The following LRRC7 variants were observed in gnomAD, a reference collection of about 807,000 sequenced individuals.
The protein encoded by LRRC7 is leucine-rich repeat-containing protein 7.
A neutral mutation model predicts 175.7 loss-of-function variants in LRRC7; 23 were observed. The observed-to-expected ratio is 0.13, with a 90% CI of 0.09 to 0.19. The LOEUF (loss-of-function observed/expected upper bound fraction) is 0.19, where lower values mean the gene tolerates loss of function less well. Ranked by LOEUF, LRRC7 falls within the 10% of genes least tolerant of loss-of-function variation. LRRC7 has a pLI of 1.00. For missense variants in LRRC7, 1,354 were observed against 1,904.7 expected, an observed-to-expected ratio of 0.71 and a Z score of 5.38; for synonymous variants, 685 against 680.9, an observed-to-expected ratio of 1.01 and a Z score of -0.09.
intron 22 of LRRC7, 85 bp downstream of exon 22, chr1:70,044,179 C>A: frequency 7.0e-7 from 1 of 1,426,236 alleles, no homozygotes; most frequent in Non-Finnish European, 9.6e-7. Flanking sequence ...GCTATACATA[C>A]AACCCTGCTT....
chr1:70,059,222 T>C (rs1661387151), intron 23 of LRRC7, among the ~76,000 whole-genome samples: 1 of 152,194 alleles, frequency 6.6e-6, no homozygotes, highest in African/African-American at 2.4e-5. Flanking sequence ...CTAGGTTAAG[T>C]GCATAATGAC....
At chr1:69,883,196 TC>T (rs1474037138) in intron 7 of LRRC7, among the ~76,000 whole-genome samples, 1 of 151,508 alleles carries the variant, frequency 6.6e-6, no homozygotes, top group Non-Finnish European at 1.5e-5. Context: ...CACACTGACT[TC>T]CACAATGGTT....
intron 22 of LRRC7, among the ~76,000 whole-genome samples, chr1:70,048,269 CT>C (rs948215676): frequency 6.6e-6 from 1 of 151,990 alleles, no homozygotes; most frequent in African/African-American, 2.4e-5. Flanking sequence ...TACTATGTAC[CT>C]GGTGCTATGA....
chr1:69,730,914 T>C (rs1452082446), intron 2 of LRRC7, among the ~76,000 whole-genome samples: 1 of 152,080 alleles, frequency 6.6e-6, no homozygotes, highest in Non-Finnish European at 1.5e-5. Flanking sequence ...CTCAGAAAAC[T>C]TACAATCATA....
In LRRC7 at chr1:70,000,576, T is replaced by C. The variant is rs1655428142; in HGVS notation, c.1004+5943T>C. Among the ~76,000 whole-genome samples the C allele has an allele frequency of 2.6e-5, 4 of 152,360 alleles. No individual in the cohort carries two copies. In the South Asian group the frequency reaches 8.3e-4, roughly 32 times the overall value. On this transcript the variant is annotated intron_variant, in intron 11 of 26. Coordinates refer to ENST00000651989, the MANE Select transcript of LRRC7 (RefSeq NM_001370785.2). ...TAATCGTACCACTCTTCTTGTTCACTAGGCTTCAGCCACACTGGCCCTTCT... is the reference window on the plus strand; with the variant it reads ...TAATCGTACCACTCTTCTTGTTCACCAGGCTTCAGCCACACTGGCCCTTCT...
chr1:69,648,269 A>G (rs1655286288), intron 1 of LRRC7, among the ~76,000 whole-genome samples: 1 of 152,110 alleles, frequency 6.6e-6, no homozygotes, highest in Non-Finnish European at 1.5e-5. Context: ...ACTATTATTA[A>G]TTTGTATGAA....
intron 3 of LRRC7, among the ~76,000 whole-genome samples, chr1:69,788,018 T>C (rs1289347798): frequency 2.0e-5 from 3 of 152,012 alleles, no homozygotes; most frequent in Non-Finnish European, 4.4e-5. Flanking sequence ...TTTTCTTCCT[T>C]TTTCACTCTT....
chr1:70,032,100 G>A (rs573704983), intron 18 of LRRC7, among the ~76,000 whole-genome samples: 1 of 152,204 alleles, frequency 6.6e-6, no homozygotes, highest in African/African-American at 2.4e-5. Context: ...CCCGGCCAAG[G>A]ATTTTCATCA....
rs574517134 is a variant in LRRC7, at chr1:70,028,350, C to T, written c.1974C>T (p.Ala658=). ...AATATGAACACAAGTGGCCGGTAGCCCCAAAGGAGATTACAGTGGAGGTAT... is the reference window on the plus strand; with the variant it reads ...AATATGAACACAAGTGGCCGGTAGCTCCAAAGGAGATTACAGTGGAGGTAT... The part of the protein sequence containing the change: ...KEKYEHKWPV[A]PKEITVEDSF... The change falls in exon 18 of 27, where the codon GCC becomes GCT. Residue 658 remains alanine (A), a synonymous_variant. Coordinates refer to ENST00000651989, the MANE Select transcript of LRRC7 (RefSeq NM_001370785.2). 19 of 1,613,178 alleles carry T rather than the reference C, an allele frequency of 1.2e-5. No homozygotes were observed. Among genetic ancestry groups the T allele is most frequent in the South Asian group, 4.4e-5 (4 of 91,052 alleles).
intron 12 of LRRC7, among the ~76,000 whole-genome samples, chr1:70,012,394 A>T (rs1442067169): frequency 6.6e-6 from 1 of 151,778 alleles, no homozygotes; most frequent in Non-Finnish European, 1.5e-5. Context: ...TACTAATATC[A>T]AAAAAGTATA....
At chr1:69,736,981 C>A (rs1400635633) in intron 2 of LRRC7, among the ~76,000 whole-genome samples, 1 of 152,040 alleles carries the variant, frequency 6.6e-6, no homozygotes, top group African/African-American at 2.4e-5. Context: ...ATACTGTTTA[C>A]TTCTTCATAG....
chr1:69,695,535 T>C (rs1475259011), intron 2 of LRRC7, among the ~76,000 whole-genome samples: 1 of 152,188 alleles, frequency 6.6e-6, no homozygotes, highest in African/African-American at 2.4e-5. Context: ...TAGAGAGCTT[T>C]GCATGACTAA....
chr1:69,731,221 G>C (rs1667543915), intron 2 of LRRC7, among the ~76,000 whole-genome samples: 1 of 152,208 alleles, frequency 6.6e-6, no homozygotes, highest in African/African-American at 2.4e-5. Context: ...AGAATGGTGT[G>C]AACCTGGGAG....
At chr1:69,962,928 C>T (rs1651260753) in intron 8 of LRRC7, among the ~76,000 whole-genome samples, 1 of 152,050 alleles carries the variant, frequency 6.6e-6, no homozygotes, top group Non-Finnish European at 1.5e-5. Context: ...GCTCATGACA[C>T]ATATTTACCT....
At chr1:70,063,759 A>G (rs1046968669) in intron 23 of LRRC7, among the ~76,000 whole-genome samples, 3 of 152,074 alleles carry the variant, frequency 2.0e-5, no homozygotes, top group South Asian at 2.1e-4. Context: ...AAAACAAACC[A>G]TAGGTTGAAA....
intron 26 of LRRC7, among the ~76,000 whole-genome samples, chr1:70,109,327 G>T (rs898673328): frequency 6.6e-6 from 1 of 151,954 alleles, no homozygotes; most frequent in Non-Finnish European, 1.5e-5. Context: ...CGGCCTCTCC[G>T]AAATATTTTA....
intron 1 of LRRC7, among the ~76,000 whole-genome samples, chr1:69,630,296 G>A (rs1007876462): frequency 2.6e-5 from 4 of 152,174 alleles, no homozygotes; most frequent in South Asian, 2.1e-4. Flanking sequence ...CCTATTGGTG[G>A]ACAGTTTTCA....
intron 7 of LRRC7, among the ~76,000 whole-genome samples, chr1:69,896,015 T>C (rs115217048): frequency 6.6e-6 from 1 of 152,192 alleles, no homozygotes; most frequent in Non-Finnish European, 1.5e-5. Context: ...ATTACAATAC[T>C]GGTTATCTTT....
At chr1:70,024,517 G>C (rs1178663530) in intron 17 of LRRC7, among the ~76,000 whole-genome samples, 1 of 151,738 alleles carries the variant, frequency 6.6e-6, no homozygotes, top group Non-Finnish European at 1.5e-5. Flanking sequence ...TAATATTTTA[G>C]TAAAAATCTT....
Sources: gnomAD v4.1 joint callset for allele counts (sites outside exome capture counted in the v4.1 genomes callset) on GRCh38, gnomAD v4.1.1 for gene constraint, MANE v1.5 for transcripts, NCBI Gene and HGNC (gene_info 2026-07-23, HGNC 2026-07-21) for gene names.